The following TOR1AIP2 variants were observed in gnomAD, a reference collection of about 807,000 sequenced individuals.
The protein encoded by TOR1AIP2 is torsin-1A-interacting protein 2.
A neutral mutation model predicts 32.6 loss-of-function variants in TOR1AIP2; 20 were observed. The ratio of observed to expected loss-of-function variants is 0.61; its 90% confidence interval spans 0.43 to 0.89. The LOEUF (loss-of-function observed/expected upper bound fraction) is 0.89. Ranked by LOEUF, TOR1AIP2 falls within the 40% of genes least tolerant of loss-of-function variation. TOR1AIP2 has a pLI of 0.00. For synonymous variants in TOR1AIP2, 214 were observed against 210.8 expected, an observed-to-expected ratio of 1.02 and a Z score of -0.13; for missense variants, 456 against 553.8, an observed-to-expected ratio of 0.82 and a Z score of 1.77.
rs1028377559 is a variant in TOR1AIP2 at position 179,864,252 on chromosome 1, A to G, written c.-147+1184T>C. ...GGGCCAATGATGAATAAATGGCTATATAAGAGCAAATTTTATCTATCTATC... is the reference window on the plus strand; with the variant it reads ...GGGCCAATGATGAATAAATGGCTATGTAAGAGCAAATTTTATCTATCTATC... On this transcript the variant is annotated intron_variant, in intron 3 of 6. Coordinates refer to ENST00000609928, the MANE Select transcript of TOR1AIP2 (RefSeq NM_001199260.2). 9.1e-6 allele frequency: 9 copies of G among 985,372 alleles called. No individual in the cohort carries two copies. In the African/African-American group the frequency reaches 1.2e-4, roughly 13 times the overall value. The allele number at this position is 985,372 out of a possible 1,614,324, so 61.0% of individuals were successfully genotyped here. A position where few individuals can be genotyped will look rare whatever the true frequency, so the allele number is the denominator to read the frequency against.
At chr1:179,871,953 C>T (rs1284793676) in intron 2 of TOR1AIP2, among the ~76,000 whole-genome samples, 1 of 152,156 alleles carries the variant, frequency 6.6e-6, no homozygotes, top group Admixed American at 6.6e-5. Context: ...AAAAAGTCAA[C>T]TTGTTTTGTG....
intron 2 of TOR1AIP2, among the ~76,000 whole-genome samples, chr1:179,870,231 T>C (rs1365666728): frequency 6.6e-6 from 1 of 152,116 alleles, no homozygotes; most frequent in African/African-American, 2.4e-5. Flanking sequence ...ACCCTGTCTC[T>C]ACTAAAAATA....
intron 3 of TOR1AIP2, chr1:179,863,505 G>C: frequency 1.0e-6 from 1 of 984,534 alleles, no homozygotes; most frequent in South Asian, 4.7e-5. Context: ...TGTACTCATT[G>C]AGAAAAAAAA....
Position 179,852,783 on chromosome 1 carries a change from A to G in TOR1AIP2, c.-118T>C. ...CCCAACAGACTCATGCTTCCCATGG[A>G]CCCAGGAAATAAGGCATATATACAG... On this transcript the variant is annotated 5_prime_UTR_variant, in exon 4 of 7. Coordinates refer to ENST00000609928, the MANE Select transcript of TOR1AIP2 (RefSeq NM_001199260.2). The G allele has an allele frequency of 6.4e-7, 1 of 1,565,574 alleles. No individual in the cohort carries two copies. The highest frequency in any genetic ancestry group is 8.7e-7 in the Non-Finnish European group (1 of 1,154,544).
chr1:179,852,647 T>C lies in TOR1AIP2; in HGVS notation c.19A>G (p.Arg7Gly), dbSNP rs991581607. The C allele has an allele frequency of 1.9e-6, 3 of 1,614,106 alleles. No individual in the cohort carries two copies. Among genetic ancestry groups the C allele is most frequent in the Non-Finnish European group, 2.5e-6 (3 of 1,179,964 alleles). The change falls in exon 4 of 7, where the codon AGG becomes GGG. Residue 7 changes from arginine to glycine, a missense_variant. Arg to Gly is a moderately radical substitution (Grantham distance 125). Coordinates refer to ENST00000609928, the MANE Select transcript of TOR1AIP2 (RefSeq NM_001199260.2). MADSGLREPQEDSQKDL... is the reference protein window; with the variant it reads MADSGLGEPQEDSQKDL... ...TCAGTCTTACCCTCTTGAGGTTCCC[T>C]AAGTCCACTGTCGGCCATGTTTGTG...
chr1:179,864,157 T>C, intron 3 of TOR1AIP2: 4 of 985,430 alleles, frequency 4.1e-6, no homozygotes, highest in Non-Finnish European at 4.8e-6. Flanking sequence ...TGTTTCCTAA[T>C]AGAATGTGAT....
In TOR1AIP2 at chr1:179,846,559, T is replaced by C; in HGVS notation, c.925A>G (p.Lys309Glu). The change falls in exon 7 of 7, where the codon AAG (lysine) becomes GAG (glutamate). Residue 309 changes from lysine (K) to glutamate (E), a missense_variant. Physicochemically the swap from Lys to Glu is moderately conservative, Grantham distance 56. Transcript: ENST00000609928. ...TAAREGRETL[K>E]CLSHHVADAY... ...TCTGCAACATGGTGGCTCAGGCACT[T>C]CAGGGTCTCTCTTCCCTCCCGAGCT... 2 of 1,614,150 alleles carry C rather than the reference T, an allele frequency of 1.2e-6. No homozygotes were observed. The highest frequency in any genetic ancestry group is 1.3e-5 in the African/African-American group (1 of 75,022).
rs1281209843 is a variant in TOR1AIP2, at chr1:179,847,757, G to A, written c.554-121C>T. The A allele has an allele frequency of 5.8e-6, 4 of 691,592 alleles. No individual in the cohort carries two copies. In the African/African-American group the frequency reaches 7.2e-5, roughly 12 times the overall value. 42.8% of individuals were successfully genotyped at this position (691,592 alleles called of 1,614,324 possible). A position where few individuals can be genotyped will look rare whatever the true frequency, so the allele number is the denominator to read the frequency against. ...TAAAAGGCTTTCTATACCTTGGCCA[G>A]GTACGGTGGCTCATGCCTGTAATCC... On this transcript the variant is annotated intron_variant, in intron 5 of 6. Coordinates refer to ENST00000609928, the MANE Select transcript of TOR1AIP2 (RefSeq NM_001199260.2).
Position 179,847,788 on chromosome 1 carries a change from C to CT in TOR1AIP2, c.554-153dup, listed in dbSNP as rs982198551. On this transcript the variant is annotated intron_variant, in intron 5 of 6. Transcript: ENST00000609928. Reference sequence around the variant, plus strand: ...GTGGCTCATGCCTGTAATCCCAGCACTTTGGGAGGCTGAAACAGGTGGCTC... The same window carrying CT: ...GTGGCTCATGCCTGTAATCCCAGCACTTTTGGGAGGCTGAAACAGGTGGCTC... The CT allele has an allele frequency of 1.8e-5, 11 of 602,126 alleles. No homozygotes were observed. In the African/African-American group the frequency reaches 2.1e-4, roughly 11 times the overall value. 37.3% of individuals were successfully genotyped at this position (602,126 alleles called of 1,614,324 possible). A position where few individuals can be genotyped will look rare whatever the true frequency, so the allele number is the denominator to read the frequency against.
Position 179,845,831 on chromosome 1 carries a change from T to C in TOR1AIP2, c.*240A>G, listed in dbSNP as rs1695882023. On this transcript the variant is annotated 3_prime_UTR_variant, in exon 7 of 7. Coordinates refer to ENST00000609928, the MANE Select transcript of TOR1AIP2 (RefSeq NM_001199260.2). Reference sequence around the variant, plus strand: ...AAATTCTCATATATATCATCGATATTTCAAACCTGATTTGGTCCAAAGAAA... The same window carrying C: ...AAATTCTCATATATATCATCGATATCTCAAACCTGATTTGGTCCAAAGAAA... The C allele has an allele frequency of 2.2e-6, 1 of 452,870 alleles. No individual in the cohort carries two copies. Among genetic ancestry groups the C allele is most frequent in the Non-Finnish European group, 3.8e-6 (1 of 260,338 alleles). The allele number at this position is 452,870 out of a possible 1,614,324, so 28.1% of individuals were successfully genotyped here. A position where few individuals can be genotyped will look rare whatever the true frequency, so the allele number is the denominator to read the frequency against.
intron 2 of TOR1AIP2, among the ~76,000 whole-genome samples, chr1:179,871,270 T>C (rs968188138): frequency 6.6e-6 from 1 of 152,132 alleles, no homozygotes; most frequent in African/African-American, 2.4e-5. Context: ...CAAAAGAAAA[T>C]ACAAATCAGG....
At chr1:179,859,765 T>C (rs917126461) in intron 3 of TOR1AIP2, 28 of 985,360 alleles carry the variant, frequency 2.8e-5, no homozygotes, top group Non-Finnish European at 2.8e-5. Flanking sequence ...ATCTGACTTA[T>C]ACTACAGGCT....
At chr1:179,873,642 A>G (rs1301476285) in intron 2 of TOR1AIP2, 1 of 152,204 alleles carries the variant, frequency 6.6e-6, no homozygotes, top group Non-Finnish European at 1.5e-5. Flanking sequence ...TTTTGTCTGC[A>G]ACAACTACTA....
chr1:179,865,987 T>G (rs952015062), intron 2 of TOR1AIP2, 133 bp from the exon 3 acceptor site: 1 of 152,662 alleles, frequency 6.6e-6, no homozygotes, highest in East Asian at 1.9e-4. Context: ...CCCATGACTA[T>G]TTAACATGGG....
At chr1:179,870,234 T>G (rs982721257) in intron 2 of TOR1AIP2, among the ~76,000 whole-genome samples, 1 of 152,014 alleles carries the variant, frequency 6.6e-6, no homozygotes, top group Non-Finnish European at 1.5e-5. Flanking sequence ...CTGTCTCTAC[T>G]AAAAATACAA....
intron 6 of TOR1AIP2, among the ~76,000 whole-genome samples, chr1:179,847,203 G>A (rs530760742): frequency 1.3e-4 from 20 of 152,066 alleles, no homozygotes; most frequent in South Asian, 6.2e-4. Context: ...ACCTATAGCC[G>A]ACCATTTTTT....
chr1:179,869,330 T>C (rs2148455106), intron 2 of TOR1AIP2: 1 of 151,952 alleles, frequency 6.6e-6, no homozygotes. Context: ...CTGAGGATAA[T>C]TATTACCTCT....
chr1:179,854,931 T>C (rs545168739), intron 3 of TOR1AIP2, among the ~76,000 whole-genome samples: 7 of 152,076 alleles, frequency 4.6e-5, no homozygotes, highest in African/African-American at 1.2e-4. Flanking sequence ...AGCACACGAA[T>C]AGACAAACAG....
At chr1:179,859,138 T>C (rs895921279) in intron 3 of TOR1AIP2, 3 of 985,232 alleles carry the variant, frequency 3.0e-6, no homozygotes, top group African/African-American at 1.7e-5. Context: ...CTGAAACAAG[T>C]AGTTACAATC....
Sources: gnomAD v4.1 joint callset for allele counts (sites outside exome capture counted in the v4.1 genomes callset) on GRCh38, gnomAD v4.1.1 for gene constraint, MANE v1.5 for transcripts, NCBI Gene and HGNC (gene_info 2026-07-23, HGNC 2026-07-21) for gene names.